GRID1: variants seen among roughly 807,000 people sequenced by gnomAD.
GRID1 encodes the protein glutamate receptor ionotropic, delta-1.
GRID1 carries 28 observed loss-of-function variants against 98.0 expected under a neutral mutation model. The ratio of observed to expected loss-of-function variants is 0.29; its 90% CI spans 0.21 to 0.39. The LOEUF (loss-of-function observed/expected upper bound fraction) is 0.39. Ranked by LOEUF, GRID1 falls within the 10% of genes least tolerant of loss-of-function variation. The pLI, the probability that GRID1 is intolerant of heterozygous loss-of-function variation, is 1.00. For missense variants in GRID1, 1,111 were observed against 1,340.5 expected (o/e 0.83, Z 2.67); for synonymous variants, 553 against 538.5 (o/e 1.03, Z -0.37).
At chr10:85,642,025 T>C (rs1843127215) in intron 13 of GRID1, among the ~76,000 whole-genome samples, 1 of 152,192 alleles carries the variant, frequency 6.6e-6, no homozygotes, top group Non-Finnish European at 1.5e-5. Flanking sequence ...GCCTGTGTGC[T>C]ATGAGATGAT....
intron 8 of GRID1, among the ~76,000 whole-genome samples, chr10:85,795,395 C>T (rs973066116): frequency 1.3e-5 from 2 of 152,140 alleles, no homozygotes; most frequent in Admixed American, 6.5e-5. Flanking sequence ...ACAAGACGCA[C>T]CTCAGAGAGC....
intron 4 of GRID1, among the ~76,000 whole-genome samples, chr10:86,067,190 G>A (rs570897821): frequency 1.3e-5 from 2 of 152,330 alleles, no homozygotes; most frequent in South Asian, 2.1e-4. Context: ...GTACTGATAA[G>A]GTGTTAATAA....
At chr10:86,341,704 G>A (rs1564743782) in intron 2 of GRID1, among the ~76,000 whole-genome samples, 1 of 152,168 alleles carries the variant, frequency 6.6e-6, no homozygotes. Context: ...GGTGCCTCGG[G>A]CAGTGGGGTA....
At chr10:85,661,475 A>G (rs1840964913) in intron 12 of GRID1, among the ~76,000 whole-genome samples, 5 of 152,184 alleles carry the variant, frequency 3.3e-5, no homozygotes, top group Admixed American at 3.3e-4. Flanking sequence ...GTGTCTGTTG[A>G]GACTCAGAGC....
intron 4 of GRID1, among the ~76,000 whole-genome samples, chr10:86,026,403 T>C (rs1036514407): frequency 7.2e-5 from 11 of 152,194 alleles, no homozygotes; most frequent in African/African-American, 1.4e-4. Flanking sequence ...TCTGAACATA[T>C]AAATGATTTT....
chr10:85,968,400 G>A (rs539537260), intron 4 of GRID1, among the ~76,000 whole-genome samples: 66 of 147,090 alleles, frequency 4.5e-4, no homozygotes, highest in Middle Eastern at 4.0e-3. Context: ...GCTGTGAGCC[G>A]GGATCGCGCC....
chr10:85,625,884 C>T (rs2132528967), intron 13 of GRID1, among the ~76,000 whole-genome samples: 1 of 152,310 alleles, frequency 6.6e-6, no homozygotes, highest in African/African-American at 2.4e-5. Context: ...TTTTGTTGCT[C>T]CACTGATTCC....
At chr10:86,310,400 CA>C (rs1847816485) in intron 2 of GRID1, among the ~76,000 whole-genome samples, 1 of 152,136 alleles carries the variant, frequency 6.6e-6, no homozygotes, top group Non-Finnish European at 1.5e-5. Flanking sequence ...GCACTTTCAC[CA>C]GACCAGCATC....
intron 12 of GRID1, among the ~76,000 whole-genome samples, chr10:85,672,124 T>C (rs1017324870): frequency 1.3e-5 from 2 of 152,214 alleles, no homozygotes; most frequent in African/African-American, 4.8e-5. Flanking sequence ...TAAGTGGCTA[T>C]ACCAAATAAC....
chr10:85,672,902 A>T (rs1229931853), intron 12 of GRID1, among the ~76,000 whole-genome samples: 1 of 152,204 alleles, frequency 6.6e-6, no homozygotes, highest in Non-Finnish European at 1.5e-5. Flanking sequence ...ACACTTCATA[A>T]GGCTGTAGCT....
At chr10:85,788,742 T>C (rs552830181) in intron 8 of GRID1, among the ~76,000 whole-genome samples, 2 of 152,366 alleles carry the variant, frequency 1.3e-5, no homozygotes, top group Admixed American at 6.5e-5. Flanking sequence ...CAGGCACATA[T>C]GGAGTGTCTG....
chr10:85,828,706 G>GA lies in GRID1; in HGVS notation c.1233+25789dup, dbSNP rs1195803809. Reference sequence around the variant, plus strand: ...CTGTGCACACAAACTAGAAAACCTAGAAAAAAATGAATAAATTCCTGGAAA... The same window carrying GA: ...CTGTGCACACAAACTAGAAAACCTAGAAAAAAAATGAATAAATTCCTGGAAA... On this transcript the variant is annotated intron_variant, in intron 8 of 15. Coordinates refer to ENST00000327946, the MANE Select transcript of GRID1 (RefSeq NM_017551.3). 8.6e-5 allele frequency among the ~76,000 whole-genome samples: 13 copies of GA among 151,666 alleles called. No individual in the cohort carries two copies. The East Asian group carries it at 1.7e-3, about 20-fold the overall frequency.
intron 4 of GRID1, among the ~76,000 whole-genome samples, chr10:86,024,893 T>C (rs1843096966): frequency 6.6e-6 from 1 of 151,656 alleles, no homozygotes; most frequent in Admixed American, 6.6e-5. Flanking sequence ...ATCCACAGAG[T>C]AGATAAGATG....
chr10:85,699,730 G>C (rs1242954958), intron 12 of GRID1, among the ~76,000 whole-genome samples: 1 of 152,090 alleles, frequency 6.6e-6, no homozygotes, highest in Admixed American at 6.6e-5. Context: ...TAGGCTTCTG[G>C]TGAATTCAGT....
At chr10:85,604,219 A>T (rs964459966) in intron 15 of GRID1, among the ~76,000 whole-genome samples, 1 of 152,138 alleles carries the variant, frequency 6.6e-6, no homozygotes, top group Admixed American at 6.5e-5. Context: ...CCGCACCTTT[A>T]TGAGTTCATG....
At chr10:86,334,704 G>A (rs536508891) in intron 2 of GRID1, among the ~76,000 whole-genome samples, 1 of 152,292 alleles carries the variant, frequency 6.6e-6, no homozygotes, top group East Asian at 1.9e-4. Flanking sequence ...CTACTTCAAG[G>A]CACACACAAT....
At chr10:85,997,683 C>A (rs1842756458) in intron 4 of GRID1, among the ~76,000 whole-genome samples, 1 of 151,074 alleles carries the variant, frequency 6.6e-6, no homozygotes, top group African/African-American at 2.4e-5. Context: ...AGAGGGGAAA[C>A]AGAAAACAAG....
intron 4 of GRID1, among the ~76,000 whole-genome samples, chr10:85,947,745 C>T (rs182246392): frequency 3.7e-4 from 57 of 152,346 alleles, no homozygotes; most frequent in Admixed American, 1.3e-3. Context: ...CATAAAGCCA[C>T]GCTATGAAAG....
chr10:86,042,376 A>G (rs915067381), intron 4 of GRID1, among the ~76,000 whole-genome samples: 3 of 152,198 alleles, frequency 2.0e-5, no homozygotes, highest in Non-Finnish European at 4.4e-5. Flanking sequence ...GAGTCAGGGA[A>G]GCCTCTGGGT....
Sources: allele counts gnomAD v4.1 joint callset (sites outside exome capture counted in the v4.1 genomes callset), GRCh38; gene constraint gnomAD v4.1.1; transcripts MANE v1.5; gene names NCBI Gene and HGNC (gene_info 2026-07-23, HGNC 2026-07-21).